The following ARHGEF10 variants were observed in gnomAD, a reference collection of about 807,000 sequenced individuals.
The protein encoded by ARHGEF10 is Rho guanine nucleotide exchange factor (GEF) 10.
A neutral mutation model predicts 147.4 loss-of-function variants in ARHGEF10; 140 were observed. That is an observed-to-expected ratio of 0.95 (90% CI 0.83 to 1.09). ARHGEF10 has a LOEUF of 1.09. Ranked by LOEUF, ARHGEF10 falls within the 50% of genes least tolerant of loss-of-function variation. The pLI is 0.00. For missense variants in ARHGEF10, 2,222 were observed against 1,752.7 expected, an observed-to-expected ratio of 1.27 and a Z score of -4.78; for synonymous variants, 902 against 695.8, an observed-to-expected ratio of 1.30 and a Z score of -4.67.
chr8:1,954,555 A>T (rs1214042624), intron 28 of ARHGEF10, among the ~76,000 whole-genome samples: 2 of 152,200 alleles, frequency 1.3e-5, no homozygotes, highest in Non-Finnish European at 2.9e-5. Context: ...AATTGTGCAT[A>T]ACGCACAGTT....
intron 1 of ARHGEF10, among the ~76,000 whole-genome samples, chr8:1,832,913 C>T (rs1429705081): frequency 2.7e-5 from 2 of 73,722 alleles, no homozygotes; most frequent in South Asian, 5.0e-4. Flanking sequence ...GAGAGACAGA[C>T]AGAGGCAGAG....
At chr8:1,855,930 C>T (rs181589136) in intron 2 of ARHGEF10, among the ~76,000 whole-genome samples, 199 of 150,078 alleles carry the variant, frequency 1.3e-3, no homozygotes, top group African/African-American at 3.9e-3. Context: ...AAAAAAAAAA[C>T]CCCTTCTGAA....
intron 6 of ARHGEF10, among the ~76,000 whole-genome samples, chr8:1,868,293 G>C (rs1289551757): frequency 1.3e-5 from 2 of 152,270 alleles, no homozygotes; most frequent in East Asian, 1.9e-4. Context: ...CGGGTTTGTT[G>C]GTCTCATTTT....
At position 1,899,756 on chromosome 8, in the gene ARHGEF10, T is replaced by TA. The variant is rs144823918; in HGVS notation, c.1650+1232dup. Among the ~76,000 whole-genome samples, 796 of 152,350 alleles carry TA rather than the reference T, an allele frequency of 5.2e-3. 13 individuals carry two copies. The highest frequency in any genetic ancestry group is 0.018 in the African/African-American group (747 of 41,580). ...GTGTTTTATTTCTTTAGCTGACAAA[T>TA]ATGTACTGAGTTCTAATACGTGCGA... On this transcript the variant is annotated intron_variant, in intron 15 of 28. Transcript: ENST00000349830.
chr8:1,872,960 T>C (rs1024306669), intron 7 of ARHGEF10, among the ~76,000 whole-genome samples: 2 of 150,332 alleles, frequency 1.3e-5, no homozygotes, highest in African/African-American at 5.0e-5. Context: ...AAAACAAGTT[T>C]GAAATGCATT....
At chr8:1,944,089 C>A (rs13254694) in intron 26 of ARHGEF10, among the ~76,000 whole-genome samples, 1 of 111,376 alleles carries the variant, frequency 9.0e-6, no homozygotes, top group Non-Finnish European at 1.8e-5. Context: ...TCACCTCCCT[C>A]GGGACCCCAG....
intron 1 of ARHGEF10, 92 bp from the exon 2 acceptor site, chr8:1,843,261 T>A: frequency 1.1e-6 from 1 of 931,306 alleles, no homozygotes; most frequent in Non-Finnish European, 1.7e-6. Flanking sequence ...TAGCTCTTCC[T>A]TTTTGCGGGG....
chr8:1,872,774 C>G (rs1807236596), intron 7 of ARHGEF10, among the ~76,000 whole-genome samples: 1 of 152,116 alleles, frequency 6.6e-6, no homozygotes, highest in Non-Finnish European at 1.5e-5. Flanking sequence ...TCACGGCGTT[C>G]GTTAATTTAT....
chr8:1,926,803 A>G (rs1004185243), intron 23 of ARHGEF10: 11 of 355,784 alleles, frequency 3.1e-5, no homozygotes, highest in Non-Finnish European at 5.3e-6. Flanking sequence ...TTGTTCCAAG[A>G]CTGGCTTTTT....
At position 1,828,612 on chromosome 8, in the gene ARHGEF10, G is replaced by C. The variant is rs540030779; in HGVS notation, c.-48+4499G>C. Among the ~76,000 whole-genome samples the C allele has an allele frequency of 4.2e-5, 5 of 119,650 alleles. No homozygotes were observed. The South Asian group carries it at 1.5e-3, about 37-fold the overall frequency. 78.5% of individuals were successfully genotyped at this position (119,650 alleles called of 152,430 possible). Reference sequence around the variant, plus strand: ...TTCCTGTTTTAAGGAATTACATTTTGATAAACCGTGGCATGCACACTTAAC... The same window carrying C: ...TTCCTGTTTTAAGGAATTACATTTTCATAAACCGTGGCATGCACACTTAAC... On this transcript the variant is annotated intron_variant, in intron 1 of 28. Coordinates refer to ENST00000349830, the MANE Select transcript of ARHGEF10 (RefSeq NM_014629.4).
chr8:1,831,450 T>C (rs1301532973), intron 1 of ARHGEF10, among the ~76,000 whole-genome samples: 1 of 138,642 alleles, frequency 7.2e-6, no homozygotes, highest in African/African-American at 2.7e-5. Flanking sequence ...GGAGGGACAG[T>C]GTGACGGCCG....
Position 1,859,772 on chromosome 8 carries a change from G to A in ARHGEF10, c.194-125G>A, listed in dbSNP as rs1033258096. On this transcript the variant is annotated intron_variant, in intron 3 of 28. Transcript: ENST00000349830. ...CGAGGCCACCTGATGACCTGGGAAC[G>A]TCTAGGGGTCCTGGCATGGGATGAT... is the stretch of plus-strand genomic sequence containing the variant. The A allele has an allele frequency of 5.6e-5, 68 of 1,209,864 alleles. 1 individual carries two copies. The highest frequency in any genetic ancestry group is 2.1e-4 in the East Asian group (9 of 41,930). 74.9% of individuals were successfully genotyped at this position (1,209,864 alleles called of 1,614,324 possible).
At position 1,832,947 on chromosome 8, in the gene ARHGEF10, GAC is replaced by G. The variant is rs1299270532; in HGVS notation, c.-48+8836_-48+8837del. 9.6e-4 allele frequency among the ~76,000 whole-genome samples: 56 copies of G among 58,582 alleles called. 7 individuals are homozygous for G. The highest frequency in any genetic ancestry group is 1.3e-3 in the Admixed American group (8 of 5,966). 38.4% of individuals were successfully genotyped at this position (58,582 alleles called of 152,430 possible). Reference sequence around the variant, plus strand: ...AGACAGAGGCAGAGACAGAAGCAGAGACAGAGGCAGAGGCAGATACAGAGGCA... The same window carrying G: ...AGACAGAGGCAGAGACAGAAGCAGAGAGAGGCAGAGGCAGATACAGAGGCA... On this transcript the variant is annotated intron_variant, in intron 1 of 28. Coordinates refer to ENST00000349830, the MANE Select transcript of ARHGEF10 (RefSeq NM_014629.4).
chr8:1,944,576 AT>A (rs1215186840), intron 26 of ARHGEF10, among the ~76,000 whole-genome samples: 1 of 152,124 alleles, frequency 6.6e-6, no homozygotes, highest in Non-Finnish European at 1.5e-5. Context: ...TTATTCTCAG[AT>A]TGTGGGACAA....
At chr8:1,840,425 GCTGTCCGGTGTGGGGA>G (rs1228162684) in intron 1 of ARHGEF10, among the ~76,000 whole-genome samples, 1 of 98,036 alleles carries the variant, frequency 1.0e-5, no homozygotes, top group East Asian at 3.7e-4. Flanking sequence ...TGGTGTGGAA[GCTGTCCGGTGTGGGGA>G]CTGTCCGGTG....
In ARHGEF10 at chr8:1,957,186, A is replaced by G; in HGVS notation, c.3958A>G (p.Arg1320Gly). Residue 1320 changes from arginine to glycine, a missense_variant, in exon 29 of 29, where the codon AGG becomes GGG. By Grantham distance (125) the Arg-to-Gly change is moderately radical. Coordinates refer to ENST00000349830, the MANE Select transcript of ARHGEF10 (RefSeq NM_014629.4). ...AGGGCAGGGCCACCGCCGGGTGCACAGGAAGGCCCGGCAGCCCCACCAGGA... is the reference window on the plus strand; with the variant it reads ...AGGGCAGGGCCACCGCCGGGTGCACGGGAAGGCCCGGCAGCCCCACCAGGA... ...CGGQGHRRVH[R>G]KARQPHQEEL... 3 of 1,612,552 alleles carry G rather than the reference A, an allele frequency of 1.9e-6. No individual in the cohort carries two copies. Among genetic ancestry groups the G allele is most frequent in the Admixed American group, 3.3e-5 (2 of 60,002 alleles).
At chr8:1,865,828 C>T (rs1024470494) in intron 5 of ARHGEF10, among the ~76,000 whole-genome samples, 2 of 152,240 alleles carry the variant, frequency 1.3e-5, no homozygotes, top group African/African-American at 4.8e-5. Context: ...TGTCTCTGCG[C>T]TGCCACCGGG....
chr8:1,869,167 T>A, intron 6 of ARHGEF10, 27 bp from the exon 7 acceptor site: 1 of 1,604,974 alleles, frequency 6.2e-7, no homozygotes, highest in Non-Finnish European at 8.5e-7. Flanking sequence ...GGTCACTGTT[T>A]AAAGTGTTTC....
chr8:1,910,421 A>G (rs1403514682), intron 18 of ARHGEF10, among the ~76,000 whole-genome samples: 1 of 152,144 alleles, frequency 6.6e-6, no homozygotes, highest in Non-Finnish European at 1.5e-5. Context: ...CTGTTTGGTA[A>G]TCTGCCTAGT....
Sources: gnomAD v4.1 joint callset for allele counts (sites outside exome capture counted in the v4.1 genomes callset) on GRCh38, gnomAD v4.1.1 for gene constraint, MANE v1.5 for transcripts, NCBI Gene and HGNC (gene_info 2026-07-23, HGNC 2026-07-21) for gene names.